ZNF804B: variants seen among roughly 807,000 people sequenced by gnomAD.
The protein encoded by ZNF804B is zinc finger 804B.
A neutral mutation model predicts 101.4 loss-of-function variants in ZNF804B; 80 were observed. The observed-to-expected ratio is 0.79, with a 90% CI of 0.66 to 0.95. The LOEUF is 0.95. ZNF804B is among the 40% of genes least tolerant of loss of function. The pLI is 0.00. For missense variants in ZNF804B, 1,673 were observed against 1,561.9 expected (o/e 1.07, Z -1.20); for synonymous variants, 622 against 558.8 (o/e 1.11, Z -1.59).
intron 1 of ZNF804B, among the ~76,000 whole-genome samples, chr7:89,007,567 A>AT (rs1788388345): frequency 3.6e-5 from 1 of 27,834 alleles, no homozygotes; most frequent in Non-Finnish European, 9.5e-5. Flanking sequence ...TATCTATTAT[A>AT]ATTATATATA....
intron 2 of ZNF804B, among the ~76,000 whole-genome samples, chr7:89,245,091 A>T (rs2115772392): frequency 6.6e-6 from 1 of 152,304 alleles, no homozygotes; most frequent in Admixed American, 6.5e-5. Context: ...TTAATAAGAG[A>T]TTAATACAAA....
chr7:89,290,365 T>C (rs573924275), intron 2 of ZNF804B, among the ~76,000 whole-genome samples: 1 of 152,212 alleles, frequency 6.6e-6, no homozygotes, highest in South Asian at 2.1e-4. Context: ...GTCTTGCACC[T>C]TAGGCACCAT....
At chr7:89,315,033 CT>C (rs767659219) in intron 2 of ZNF804B, among the ~76,000 whole-genome samples, 4 of 152,204 alleles carry the variant, frequency 2.6e-5, no homozygotes, top group Non-Finnish European at 5.9e-5. Context: ...GCTTACAGTT[CT>C]GCAGACTGCA....
intron 1 of ZNF804B, among the ~76,000 whole-genome samples, chr7:88,852,872 C>G (rs1439677696): frequency 6.6e-6 from 1 of 152,068 alleles, no homozygotes; most frequent in Non-Finnish European, 1.5e-5. Flanking sequence ...CAAACTGCCT[C>G]TTCTCTAAAC....
At position 89,335,586 on chromosome 7, in the gene ZNF804B, C is replaced by T; in HGVS notation, c.2604C>T (p.Ser868=). The T allele has an allele frequency of 6.2e-7, 1 of 1,613,802 alleles. No homozygotes were observed. ...AGAAAATGTATTACTTGAATAAAAGCAAGAGAAATCAAGAGTCTTTGGGCA... is the reference window on the plus strand; with the variant it reads ...AGAAAATGTATTACTTGAATAAAAGTAAGAGAAATCAAGAGTCTTTGGGCA... ...SIEKMYYLNK[S]KRNQESLGSP... is the part of the protein sequence containing the mutation. The change falls in exon 4 of 4, where the codon AGC becomes AGT. Residue 868 remains serine, a synonymous_variant. Coordinates refer to ENST00000333190, the MANE Select transcript of ZNF804B (RefSeq NM_181646.5).
At chr7:88,833,785 G>T (rs1264759587) in intron 1 of ZNF804B, among the ~76,000 whole-genome samples, 11 of 151,810 alleles carry the variant, frequency 7.2e-5, no homozygotes, top group Admixed American at 7.2e-4. Flanking sequence ...GAGAACCAGA[G>T]ACTTGGGGTG....
At chr7:88,920,400 A>G (rs919094348) in intron 1 of ZNF804B, among the ~76,000 whole-genome samples, 2 of 152,096 alleles carry the variant, frequency 1.3e-5, no homozygotes, top group Admixed American at 6.6e-5. Flanking sequence ...GCATTGTACA[A>G]ATACATGTAA....
intron 1 of ZNF804B, among the ~76,000 whole-genome samples, chr7:88,850,002 CTT>C (rs1791429812): frequency 6.6e-6 from 1 of 151,880 alleles, no homozygotes; most frequent in African/African-American, 2.4e-5. Flanking sequence ...CATGAAAAGA[CTT>C]TTTTCCACAA....
rs78589542 is a variant in ZNF804B at position 88,970,346 on chromosome 7, C to T, written c.108+210262C>T. On this transcript the variant is annotated intron_variant, in intron 1 of 3. Transcript: ENST00000333190. The stretch of plus-strand genomic sequence containing the variant: ...ATGCATTAGCTATTTATTCTGATGC[C>T]CCCCCCCCACCCCCACAACCCTCTA... 0.02 allele frequency among the ~76,000 whole-genome samples: 88 copies of T among 4,374 alleles called. 1 individual carries two copies. In the South Asian group the frequency reaches 0.27, roughly 14 times the overall value. 2.9% of individuals were successfully genotyped at this position (4,374 alleles called of 152,430 possible). A position where few individuals can be genotyped will look rare whatever the true frequency, so the allele number is the denominator to read the frequency against.
chr7:89,015,134 T>G (rs1364615512), intron 1 of ZNF804B, among the ~76,000 whole-genome samples: 7 of 152,274 alleles, frequency 4.6e-5, no homozygotes. Context: ...ACTTGACACC[T>G]TTGTCAAAAG....
intron 1 of ZNF804B, among the ~76,000 whole-genome samples, chr7:88,961,566 T>A (rs944043380): frequency 1.2e-4 from 18 of 151,278 alleles, no homozygotes; most frequent in African/African-American, 3.1e-4. Flanking sequence ...AAAGAAAAAA[T>A]TCAAGCACTG....
intron 1 of ZNF804B, among the ~76,000 whole-genome samples, chr7:88,767,186 C>T (rs1789998162): frequency 2.0e-5 from 3 of 152,166 alleles, no homozygotes; most frequent in Admixed American, 2.0e-4. Flanking sequence ...CTACTCTATT[C>T]TGTGCGCTCT....
chr7:88,866,008 C>A (rs541255277), intron 1 of ZNF804B, among the ~76,000 whole-genome samples: 2 of 152,232 alleles, frequency 1.3e-5, no homozygotes, highest in South Asian at 4.1e-4. Context: ...TTAGATTCAT[C>A]TTTGTGTATT....
intron 1 of ZNF804B, among the ~76,000 whole-genome samples, chr7:89,135,851 G>C (rs1790627083): frequency 6.6e-6 from 1 of 152,006 alleles, no homozygotes; most frequent in African/African-American, 2.4e-5. Flanking sequence ...TTCTATAAGA[G>C]AGAAGACAAG....
At chr7:88,995,379 T>C (rs539282589) in intron 1 of ZNF804B, among the ~76,000 whole-genome samples, 1 of 152,208 alleles carries the variant, frequency 6.6e-6, no homozygotes, top group Non-Finnish European at 1.5e-5. Flanking sequence ...AAGATTTTAA[T>C]TTTATCAAAT....
intron 1 of ZNF804B, among the ~76,000 whole-genome samples, chr7:89,073,633 A>T (rs1409980804): frequency 6.6e-6 from 1 of 152,040 alleles, no homozygotes; most frequent in African/African-American, 2.4e-5. Context: ...TTTGTTTTAT[A>T]CCACCTTCAA....
At chr7:89,034,415 G>A (rs1788889181) in intron 1 of ZNF804B, among the ~76,000 whole-genome samples, 2 of 148,246 alleles carry the variant, frequency 1.3e-5, no homozygotes, top group African/African-American at 5.0e-5. Context: ...CCTACCCCCC[G>A]CCAGGCCCTG....
intron 1 of ZNF804B, among the ~76,000 whole-genome samples, chr7:89,016,413 A>G (rs1289605379): frequency 4.0e-5 from 6 of 150,468 alleles, no homozygotes; most frequent in South Asian, 2.1e-4. Context: ...GTCCTTGCCC[A>G]TGCCTATGTC....
chr7:89,048,055 C>A (rs551656381), intron 1 of ZNF804B, among the ~76,000 whole-genome samples: 1 of 152,198 alleles, frequency 6.6e-6, no homozygotes, highest in South Asian at 2.1e-4. Flanking sequence ...ACCTGAGAAG[C>A]ATACACTGCA....
Sources: gnomAD v4.1 joint callset for allele counts (sites outside exome capture counted in the v4.1 genomes callset) on GRCh38, gnomAD v4.1.1 for gene constraint, MANE v1.5 for transcripts, NCBI Gene and HGNC (gene_info 2026-07-23, HGNC 2026-07-21) for gene names.